The following NPAS3 variants were observed in gnomAD, a reference collection of about 807,000 sequenced individuals.
The protein encoded by NPAS3 is neuronal PAS domain-containing protein 3.
A neutral mutation model predicts 73.1 loss-of-function variants in NPAS3; 14 were observed. That is an observed-to-expected ratio of 0.19 (90% CI 0.13 to 0.30). The LOEUF (loss-of-function observed/expected upper bound fraction) is 0.30. Among genes scored for constraint, NPAS3 ranks in the 10% least tolerant of loss-of-function variants. The pLI, the probability that NPAS3 is intolerant of heterozygous loss-of-function variation, is 1.00. For missense variants in NPAS3, 1,096 were observed against 1,250.0 expected, an observed-to-expected ratio of 0.88 and a Z score of 1.86; for synonymous variants, 620 against 541.5, an observed-to-expected ratio of 1.14 and a Z score of -2.01.
At chr14:33,215,502 C>T in intron 3 of NPAS3, 76 bp downstream of exon 3, 2 of 1,503,880 alleles carry the variant, frequency 1.3e-6, no homozygotes, top group Non-Finnish European at 1.8e-6. Context: ...TACCATCATC[C>T]TTTCTTCTTT....
chr14:33,182,942 A>G (rs918671553), intron 2 of NPAS3, among the ~76,000 whole-genome samples: 27 of 152,326 alleles, frequency 1.8e-4, no homozygotes, highest in African/African-American at 6.3e-4. Flanking sequence ...TGGCAGTGAC[A>G]TTGAATTGTC....
chr14:33,740,050 T>C (rs372128178), intron 7 of NPAS3, among the ~76,000 whole-genome samples: 2 of 152,346 alleles, frequency 1.3e-5, no homozygotes, highest in Admixed American at 6.5e-5. Flanking sequence ...TTACATTCTC[T>C]GTGCCTCATT....
chr14:32,976,407 C>A (rs1193056332), intron 1 of NPAS3, among the ~76,000 whole-genome samples: 1 of 152,088 alleles, frequency 6.6e-6, no homozygotes, highest in African/African-American at 2.4e-5. Context: ...TTTGACTTTG[C>A]CATGTAAAAT....
rs186864014 is a variant in NPAS3, at chr14:32,959,002, A to C, written c.50+19636A>C. ...GGGCCACACATAAAATACACTAATAATAACGATAGCTGATGAGCTAATAAA... is the reference window on the plus strand; with the variant it reads ...GGGCCACACATAAAATACACTAATACTAACGATAGCTGATGAGCTAATAAA... On this transcript the variant is annotated intron_variant, in intron 1 of 11. Coordinates refer to ENST00000356141, the Ensembl canonical transcript of NPAS3. Among the ~76,000 whole-genome samples, 48 of 152,198 alleles carry C rather than the reference A, an allele frequency of 3.2e-4. No individual in the cohort carries two copies. The East Asian group carries it at 8.9e-3, about 28-fold the overall frequency.
intron 3 of NPAS3, among the ~76,000 whole-genome samples, chr14:33,218,519 T>C (rs901758467): frequency 1.3e-5 from 2 of 152,202 alleles, no homozygotes; most frequent in East Asian, 3.8e-4. Flanking sequence ...TTGAAGACGT[T>C]CATACGGATA....
At chr14:33,147,589 C>CT (rs2044279338) in intron 2 of NPAS3, among the ~76,000 whole-genome samples, 1 of 134,738 alleles carries the variant, frequency 7.4e-6, no homozygotes, top group Non-Finnish European at 1.6e-5. Flanking sequence ...GTTGTGGGGT[C>CT]GGGGGAGGGA....
At chr14:33,620,535 T>G (rs1386449893) in intron 5 of NPAS3, among the ~76,000 whole-genome samples, 1 of 152,160 alleles carries the variant, frequency 6.6e-6, no homozygotes, top group Non-Finnish European at 1.5e-5. Context: ...TATGCAAATA[T>G]AGAGAGAGAC....
At chr14:33,389,836 A>ATG (rs1334053573) in intron 4 of NPAS3, among the ~76,000 whole-genome samples, 1 of 152,170 alleles carries the variant, frequency 6.6e-6, no homozygotes, top group Non-Finnish European at 1.5e-5. Context: ...TCCTCTCTTT[A>ATG]TGTGTGTTCA....
chr14:33,418,774 G>A (rs17101061), intron 4 of NPAS3, among the ~76,000 whole-genome samples: 2,180 of 151,860 alleles, frequency 0.014, 49 homozygotes, highest in African/African-American at 0.049. Context: ...TTCCATGCAG[G>A]GCTCCATTTA....
At chr14:33,489,782 T>A (rs1353363608) in intron 4 of NPAS3, among the ~76,000 whole-genome samples, 1 of 152,132 alleles carries the variant, frequency 6.6e-6, no homozygotes, top group Non-Finnish European at 1.5e-5. Context: ...ATGATTAGAT[T>A]GTCGAGTTTC....
At chr14:33,673,240 C>A (rs577671311) in intron 5 of NPAS3, among the ~76,000 whole-genome samples, 2 of 152,318 alleles carry the variant, frequency 1.3e-5, no homozygotes, top group East Asian at 3.9e-4. Context: ...AGTGCTACTA[C>A]CTGAGAGGTA....
chr14:33,556,165 A>G (rs1023981507), intron 4 of NPAS3, among the ~76,000 whole-genome samples: 7 of 152,190 alleles, frequency 4.6e-5, no homozygotes, highest in Admixed American at 3.9e-4. Flanking sequence ...TTACCCTGCT[A>G]TGGTGCCCAA....
At chr14:33,586,885 T>G (rs76034955) in intron 5 of NPAS3, among the ~76,000 whole-genome samples, 2,335 of 152,232 alleles carry the variant, frequency 0.015, 29 homozygotes, top group Non-Finnish European at 0.025. Flanking sequence ...ACAGAAGTAT[T>G]TCCAGTAAGA....
At chr14:33,380,020 C>G (rs1195681764) in intron 4 of NPAS3, among the ~76,000 whole-genome samples, 1 of 109,966 alleles carries the variant, frequency 9.1e-6, no homozygotes, top group African/African-American at 3.3e-5. Flanking sequence ...GTAAATACCT[C>G]TTTAAGCTGC....
chr14:32,971,432 A>C (rs533165383), intron 1 of NPAS3, among the ~76,000 whole-genome samples: 73 of 152,272 alleles, frequency 4.8e-4, no homozygotes, highest in African/African-American at 1.7e-3. Context: ...CTCTAAAATA[A>C]AGATAGTTTT....
intron 5 of NPAS3, 33 bp downstream of exon 5, chr14:33,560,243 A>C: frequency 1.2e-6 from 1 of 835,484 alleles, no homozygotes; most frequent in Non-Finnish European, 2.1e-6. Flanking sequence ...CTTGGCAGCG[A>C]TTATGAAGCC....
chr14:33,797,305 A>G, intron 10 of NPAS3, 152 bp from the exon 11 acceptor site: 1 of 828,506 alleles, frequency 1.2e-6, no homozygotes, highest in Non-Finnish European at 1.9e-6. Flanking sequence ...CTTCCATAAA[A>G]TCCCATGAAG....
At chr14:33,201,096 G>T (rs1385400292) in intron 2 of NPAS3, among the ~76,000 whole-genome samples, 3 of 152,148 alleles carry the variant, frequency 2.0e-5, no homozygotes, top group Non-Finnish European at 1.5e-5. Context: ...ATTCTGAGAA[G>T]AAATCAAATA....
chr14:32,940,524 C>T (rs1472428215), intron 1 of NPAS3, among the ~76,000 whole-genome samples: 2 of 152,128 alleles, frequency 1.3e-5, no homozygotes, highest in East Asian at 3.9e-4. Flanking sequence ...AGGAAAGGCG[C>T]AGTAGGAAGT....
Sources: gnomAD v4.1 joint callset for allele counts (sites outside exome capture counted in the v4.1 genomes callset) on GRCh38, gnomAD v4.1.1 for gene constraint, MANE v1.5 for transcripts, NCBI Gene and HGNC (gene_info 2026-07-23, HGNC 2026-07-21) for gene names.